Variants in PRKAA1 observed in about 807,000 individuals in gnomAD.
PRKAA1 encodes the protein 5'-AMP-activated protein kinase catalytic subunit alpha-1.
A neutral mutation model predicts 56.9 loss-of-function variants in PRKAA1; 23 were observed. The observed-to-expected ratio is 0.40, with a 90% CI of 0.29 to 0.57. The LOEUF is 0.57. Ranked by LOEUF, PRKAA1 falls within the 20% of genes least tolerant of loss-of-function variation. PRKAA1 has a pLI of 0.39. For missense variants in PRKAA1, 413 were observed against 679.7 expected (o/e 0.61, Z 4.36); for synonymous variants, 226 against 227.0 (o/e 1.00, Z 0.04).
intron 1 of PRKAA1, among the ~76,000 whole-genome samples, chr5:40,779,368 C>A (rs1744167069): frequency 6.6e-6 from 1 of 152,028 alleles, no homozygotes; most frequent in Non-Finnish European, 1.5e-5. Context: ...GTAAAAAGTT[C>A]TCTAAAAGAC....
chr5:40,779,187 C>G (rs1361495666), intron 1 of PRKAA1, among the ~76,000 whole-genome samples: 1 of 151,546 alleles, frequency 6.6e-6, no homozygotes, highest in Non-Finnish European at 1.5e-5. Flanking sequence ...ACTAGACAGT[C>G]GGTGGTGACA....
chr5:40,771,557 T>C (rs1006322615), intron 4 of PRKAA1, among the ~76,000 whole-genome samples, 162 bp downstream of exon 4: 1 of 152,224 alleles, frequency 6.6e-6, no homozygotes, highest in Non-Finnish European at 1.5e-5. Flanking sequence ...TTTCTTAGCT[T>C]TTCTTCTTTT....
chr5:40,764,779 T>A lies in PRKAA1; in HGVS notation c.1281A>T (p.Ala427=). 2.5e-6 allele frequency: 4 copies of A among 1,611,896 alleles called. No homozygotes were observed. Among genetic ancestry groups the A allele is most frequent in the Non-Finnish European group, 3.4e-6 (4 of 1,178,226 alleles). ...TCCATTCATAATCCAATTGTTTGAT[T>A]GCTCTACATACTTCTGCCATAATAT... The part of the protein sequence containing the change: ...PNDIMAEVCR[A]IKQLDYEWKV... Residue 427 remains alanine, a synonymous_variant, in exon 7 of 9, where the codon GCA becomes GCT. Coordinates refer to ENST00000397128, the MANE Select transcript of PRKAA1 (RefSeq NM_006251.6).
intron 1 of PRKAA1, among the ~76,000 whole-genome samples, chr5:40,789,604 A>G (rs985917157): frequency 2.0e-5 from 3 of 152,250 alleles, no homozygotes; most frequent in African/African-American, 7.2e-5. Context: ...AGTAGAGAGT[A>G]GAATGGTGAT....
At chr5:40,797,751 C>G (rs1744995718) in intron 1 of PRKAA1, among the ~76,000 whole-genome samples, 1 of 152,178 alleles carries the variant, frequency 6.6e-6, no homozygotes, top group South Asian at 2.1e-4. Flanking sequence ...CAGAGCGCGC[C>G]GCGCCGCCCG....
rs1743195535 is a variant in PRKAA1, at chr5:40,761,684, C to T, written c.*1094G>A. 1 of 152,238 alleles carries T rather than the reference C, an allele frequency of 6.6e-6. No individual in the cohort carries two copies. The highest frequency in any genetic ancestry group is 1.5e-5 in the Non-Finnish European group (1 of 68,020). 9.4% of individuals were successfully genotyped at this position (152,238 alleles called of 1,614,324 possible). A position where few individuals can be genotyped will look rare whatever the true frequency, so the allele number is the denominator to read the frequency against. ...ATGCACTGAATCAATTTAAAAGATA[C>T]ATAATCAAATAAGTAGCAATGTGTG... On this transcript the variant is annotated 3_prime_UTR_variant, in exon 9 of 9. Transcript: ENST00000397128.
Position 40,793,962 on chromosome 5 carries a change from C to T in PRKAA1, c.127+4101G>A, listed in dbSNP as rs1340040904. 2.0e-5 allele frequency among the ~76,000 whole-genome samples: 3 copies of T among 152,176 alleles called. No homozygotes were observed. The East Asian group carries it at 5.8e-4, about 29-fold the overall frequency. Reference sequence around the variant, plus strand: ...ACTAAAAATACAAAAATTAGCAGGACGTGGTGGCACACGTCTGTAATCCCA... The same window carrying T: ...ACTAAAAATACAAAAATTAGCAGGATGTGGTGGCACACGTCTGTAATCCCA... On this transcript the variant is annotated intron_variant, in intron 1 of 8. Transcript: ENST00000397128.
rs202223057 is a variant in PRKAA1, at chr5:40,764,233, C to CA, written c.1435+280dup. 6.4e-3 allele frequency: 1,369 copies of CA among 215,100 alleles called. 12 individuals are homozygous for CA. Among genetic ancestry groups the CA allele is most frequent in the Non-Finnish European group, 7.8e-3 (855 of 110,062 alleles). 13.3% of individuals were successfully genotyped at this position (215,100 alleles called of 1,614,324 possible). A position where few individuals can be genotyped will look rare whatever the true frequency, so the allele number is the denominator to read the frequency against. ...TGTCTCTTATCAAAATGAACTACAC[C>CA]AAAAAAACAAATGCAGCAGAAAACT... is the stretch of plus-strand genomic sequence containing the variant. On this transcript the variant is annotated intron_variant, in intron 8 of 8. Transcript: ENST00000397128.
chr5:40,775,189 ATAAG>A (rs1411843139), intron 3 of PRKAA1, among the ~76,000 whole-genome samples: 16 of 152,246 alleles, frequency 1.1e-4, no homozygotes, highest in Non-Finnish European at 2.4e-4. Flanking sequence ...GAGCAATCAT[ATAAG>A]CCGCGAGGCT....
Position 40,790,525 on chromosome 5 carries a change from C to CTCTTT in PRKAA1, c.127+7537_127+7538insAAAGA, listed in dbSNP as rs546238399. Among the ~76,000 whole-genome samples the CTCTTT allele has an allele frequency of 4.7e-3, 531 of 111,986 alleles. 13 individuals are homozygous for CTCTTT. The East Asian group carries it at 0.05, about 10-fold the overall frequency. The allele number at this position is 111,986 out of a possible 152,430, so 73.5% of individuals were successfully genotyped here. A position where few individuals can be genotyped will look rare whatever the true frequency, so the allele number is the denominator to read the frequency against. On this transcript the variant is annotated intron_variant, in intron 1 of 8. Transcript: ENST00000397128. The stretch of plus-strand genomic sequence containing the variant: ...ATAGTCTATCAGGAGTCAACTCTTT[C>CTCTTT]TTTTTTTTTTTTTTTGTTGTTGTTG...
rs187724040 is a variant in PRKAA1, at chr5:40,795,498, T to C, written c.127+2565A>G. The stretch of plus-strand genomic sequence containing the variant: ...TCATACTCCTCCAAGGGCAATGCCA[T>C]CCCCCTTGCTAATGCCTGCTTAGGA... On this transcript the variant is annotated intron_variant, in intron 1 of 8. Coordinates refer to ENST00000397128, the MANE Select transcript of PRKAA1 (RefSeq NM_006251.6). Among the ~76,000 whole-genome samples the C allele has an allele frequency of 3.0e-3, 461 of 151,914 alleles. 10 individuals carry two copies. Among genetic ancestry groups the C allele is most frequent in the Admixed American group, 0.026 (399 of 15,242 alleles).
At chr5:40,771,296 A>G (rs2112012692) in intron 4 of PRKAA1, among the ~76,000 whole-genome samples, 1 of 152,348 alleles carries the variant, frequency 6.6e-6, no homozygotes, top group East Asian at 1.9e-4. Flanking sequence ...ACTTGAGGCC[A>G]GGAGTTCAAG....
At chr5:40,787,661 C>A (rs1304011866) in intron 1 of PRKAA1, among the ~76,000 whole-genome samples, 2 of 151,504 alleles carry the variant, frequency 1.3e-5, no homozygotes, top group African/African-American at 4.8e-5. Flanking sequence ...TTTGTGTAAG[C>A]CACAGGGTAA....
At chr5:40,764,028 G>A (rs4957350) in intron 8 of PRKAA1, among the ~76,000 whole-genome samples, 54,320 of 151,986 alleles carry the variant, frequency 0.36, 10,573 homozygotes, top group Admixed American at 0.46. Context: ...TCCCACCTCA[G>A]CCTCCCAAAG....
intron 1 of PRKAA1, among the ~76,000 whole-genome samples, chr5:40,782,780 A>G (rs897300028): frequency 1.3e-5 from 2 of 152,162 alleles, no homozygotes; most frequent in African/African-American, 4.8e-5. Context: ...CGGAATAGGG[A>G]ATTGAGTATA....
intron 3 of PRKAA1, among the ~76,000 whole-genome samples, chr5:40,774,138 A>C (rs1743879365): frequency 6.6e-6 from 1 of 152,242 alleles, no homozygotes; most frequent in African/African-American, 2.4e-5. Context: ...GCAATCAGTA[A>C]GTCCTACCCA....
At chr5:40,768,220 T>A (rs1561169501) in intron 5 of PRKAA1, among the ~76,000 whole-genome samples, 1 of 147,996 alleles carries the variant, frequency 6.8e-6, no homozygotes, top group Non-Finnish European at 1.5e-5. Flanking sequence ...AGATCACCCA[T>A]TCAAAGCCTG....
rs1344819868 is a variant in PRKAA1, at chr5:40,760,002, A to C, written c.*2776T>G. 6.5e-6 allele frequency: 1 copy of C among 152,756 alleles called. No individual in the cohort carries two copies. Among genetic ancestry groups the C allele is most frequent in the Non-Finnish European group, 1.5e-5 (1 of 68,030 alleles). The allele number at this position is 152,756 out of a possible 1,614,324, so 9.5% of individuals were successfully genotyped here. On this transcript the variant is annotated 3_prime_UTR_variant, in exon 9 of 9. Coordinates refer to ENST00000397128, the MANE Select transcript of PRKAA1 (RefSeq NM_006251.6). ...ATACTTAAAACTATGTATACAGTACATTTCTGGCAAAAAACCTTATACATC... is the reference window on the plus strand; with the variant it reads ...ATACTTAAAACTATGTATACAGTACCTTTCTGGCAAAAAACCTTATACATC...
chr5:40,784,168 C>A (rs1259251192), intron 1 of PRKAA1, among the ~76,000 whole-genome samples: 1 of 152,176 alleles, frequency 6.6e-6, no homozygotes, highest in Non-Finnish European at 1.5e-5. Context: ...CAGACCTGTT[C>A]CCCCATCTGT....
Sources: gnomAD v4.1 joint callset for allele counts (sites outside exome capture counted in the v4.1 genomes callset) on GRCh38, gnomAD v4.1.1 for gene constraint, MANE v1.5 for transcripts, NCBI Gene and HGNC (gene_info 2026-07-23, HGNC 2026-07-21) for gene names.